The following RASSF5 variants were observed in gnomAD, a reference collection of about 807,000 sequenced individuals.
RASSF5 encodes ras association domain-containing protein 5.
In RASSF5, 25 loss-of-function variants were observed where a neutral mutation model predicts 40.5. The observed-to-expected ratio is 0.62, with a 90% CI of 0.45 to 0.86. RASSF5 has a LOEUF of 0.86. RASSF5 is among the 40% of genes least tolerant of loss of function. The pLI, the probability that RASSF5 is intolerant of heterozygous loss-of-function variation, is 0.00. For synonymous variants in RASSF5, 246 were observed against 252.4 expected (o/e 0.97, Z 0.24); for missense variants, 521 against 572.8 (o/e 0.91, Z 0.92).
At chr1:206,577,174 A>G (rs1668687667) in intron 2 of RASSF5, among the ~76,000 whole-genome samples, 1 of 152,142 alleles carries the variant, frequency 6.6e-6, no homozygotes, top group Admixed American at 6.5e-5. Context: ...CCACAATAGT[A>G]GAGTTGAATA....
intron 1 of RASSF5, among the ~76,000 whole-genome samples, chr1:206,534,582 G>C (rs919520962): frequency 2.0e-5 from 3 of 152,138 alleles, no homozygotes; most frequent in Admixed American, 6.5e-5. Context: ...AAGCTCCCCA[G>C]AGCTGCCTGC....
chr1:206,550,981 A>T (rs546236016), intron 2 of RASSF5, among the ~76,000 whole-genome samples: 1 of 152,336 alleles, frequency 6.6e-6, no homozygotes, highest in South Asian at 2.1e-4. Context: ...CAGCTCTAAA[A>T]TCTGGCTTTC....
chr1:206,524,104 AAT>A (rs1253301190), intron 1 of RASSF5, among the ~76,000 whole-genome samples: 1 of 123,570 alleles, frequency 8.1e-6, no homozygotes, highest in African/African-American at 3.0e-5. Context: ...TACCATATAT[AAT>A]ATATTTTATA....
intron 2 of RASSF5, chr1:206,544,127 G>C (rs1375582803): frequency 6.6e-6 from 1 of 152,172 alleles, no homozygotes. Flanking sequence ...TGAATAGCTA[G>C]GTTCTAATCC....
chr1:206,558,452 T>A (rs1668053272), intron 2 of RASSF5, among the ~76,000 whole-genome samples: 1 of 152,124 alleles, frequency 6.6e-6, no homozygotes, highest in South Asian at 2.1e-4. Context: ...TTTGTTTTGC[T>A]ACTTAGATGA....
At chr1:206,585,391 C>T (rs565715370) in intron 5 of RASSF5, 96 bp downstream of exon 5, 28 of 856,770 alleles carry the variant, frequency 3.3e-5, no homozygotes, top group African/African-American at 3.0e-4. Flanking sequence ...GTGGGAGCCA[C>T]GCAGCACGGG....
chr1:206,563,317 G>A (rs565364130), intron 2 of RASSF5, among the ~76,000 whole-genome samples: 5 of 152,282 alleles, frequency 3.3e-5, no homozygotes, highest in East Asian at 3.9e-4. Flanking sequence ...CCGTTTCTGC[G>A]CCAGGCACCT....
chr1:206,523,750 A>G (rs1309022086), intron 1 of RASSF5, among the ~76,000 whole-genome samples: 1 of 98,218 alleles, frequency 1.0e-5, no homozygotes, highest in Non-Finnish European at 1.8e-5. Context: ...TATATTTTAT[A>G]TAATATACAT....
chr1:206,513,120 C>T lies in RASSF5; in HGVS notation c.457+5061C>T, dbSNP rs1666660965. Reference sequence around the variant, plus strand: ...GCTTTGGGCTTCAGAGTCAGCACCTCTGTGTGAGAGGCTGCTACCTGAGGT... The same window carrying T: ...GCTTTGGGCTTCAGAGTCAGCACCTTTGTGTGAGAGGCTGCTACCTGAGGT... On this transcript the variant is annotated intron_variant, in intron 1 of 5. Coordinates refer to ENST00000579436, the MANE Select transcript of RASSF5 (RefSeq NM_182663.4). This position sits in a 1 kb window ranked among gnomAD's most constrained non-coding sequence, Gnocchi z 5.0. Among the ~76,000 whole-genome samples, 3 of 152,218 alleles carry T rather than the reference C, an allele frequency of 2.0e-5. 1 individual carries two copies. The South Asian group carries it at 6.2e-4, about 31-fold the overall frequency.
At chr1:206,575,189 T>A (rs551259694) in intron 2 of RASSF5, among the ~76,000 whole-genome samples, 1 of 152,172 alleles carries the variant, frequency 6.6e-6, no homozygotes, top group East Asian at 1.9e-4. Context: ...GACGTTCCCA[T>A]CTAGGGCAAG....
intron 2 of RASSF5, among the ~76,000 whole-genome samples, chr1:206,556,308 A>G (rs1354657419): frequency 6.6e-6 from 1 of 152,226 alleles, no homozygotes; most frequent in Admixed American, 6.5e-5. Context: ...TCTCATCTGT[A>G]CACAGTCTCT....
chr1:206,569,581 T>A (rs1668384517), intron 2 of RASSF5, among the ~76,000 whole-genome samples: 1 of 152,250 alleles, frequency 6.6e-6, no homozygotes, highest in Non-Finnish European at 1.5e-5. Flanking sequence ...CACCTCAGTC[T>A]GCTGGCCCTG....
intron 1 of RASSF5, among the ~76,000 whole-genome samples, chr1:206,512,359 A>G (rs1035592854): frequency 6.6e-6 from 1 of 152,156 alleles, no homozygotes; most frequent in African/African-American, 2.4e-5. Flanking sequence ...TGAAAGTGAA[A>G]GGATTAAATG....
chr1:206,536,855 G>T (rs1667426639), intron 1 of RASSF5, among the ~76,000 whole-genome samples: 2 of 149,232 alleles, frequency 1.3e-5, no homozygotes, highest in Non-Finnish European at 3.0e-5. Context: ...TGAGATTCCA[G>T]CGCCTAGAAG....
rs1669004219 is a variant in RASSF5, at chr1:206,584,053, A to C, written c.691-334A>C. On this transcript the variant is annotated intron_variant, in intron 3 of 5. Transcript: ENST00000579436. This position sits in a 1 kb window ranked among gnomAD's most constrained non-coding sequence, Gnocchi z 4.9. ...GCTTCCTGCCTGGTTCAGAGGTACA[A>C]ACTAGAGTGGCTACCCCACACCCTG... Among the ~76,000 whole-genome samples, 1 of 152,278 alleles carries C rather than the reference A, an allele frequency of 6.6e-6. No homozygotes were observed. Among genetic ancestry groups the C allele is most frequent in the African/African-American group, 2.4e-5 (1 of 41,564 alleles).
At chr1:206,580,443 T>C (rs2297551) in intron 2 of RASSF5, among the ~76,000 whole-genome samples, 26,226 of 152,104 alleles carry the variant, frequency 0.17, 2,487 homozygotes, top group Middle Eastern at 0.36. Flanking sequence ...GAGTGTATAA[T>C]AGTAACCAGA....
intron 2 of RASSF5, among the ~76,000 whole-genome samples, chr1:206,577,950 C>T (rs891740030): frequency 3.3e-5 from 5 of 152,026 alleles, no homozygotes; most frequent in Admixed American, 6.5e-5. Context: ...CAGCCAGGCG[C>T]GGTGGGTCAC....
intron 1 of RASSF5, among the ~76,000 whole-genome samples, chr1:206,516,532 C>T (rs1666749896): frequency 6.6e-6 from 1 of 152,022 alleles, no homozygotes; most frequent in African/African-American, 2.4e-5. Context: ...TCTCGGCTGA[C>T]CGCAACCTCT....
intron 1 of RASSF5, among the ~76,000 whole-genome samples, chr1:206,526,778 C>A (rs371782052): frequency 6.6e-6 from 1 of 152,094 alleles, no homozygotes; most frequent in African/African-American, 2.4e-5. Flanking sequence ...TACCCTAATA[C>A]GTTAGAAGAG....
Sources: gnomAD v4.1 joint callset for allele counts (sites outside exome capture counted in the v4.1 genomes callset) on GRCh38, gnomAD v4.1.1 for gene constraint, Gnocchi (gnomAD v3.1) non-coding constraint, MANE v1.5 for transcripts, NCBI Gene and HGNC (gene_info 2026-07-23, HGNC 2026-07-21) for gene names.